The following CCDC194 variants were observed in gnomAD, a reference collection of about 807,000 sequenced individuals.
CCDC194 encodes the protein coiled-coil domain-containing protein 194.
Under a neutral mutation model 4.9 loss-of-function variants are expected in CCDC194, and 8 were observed. That is an observed-to-expected ratio of 1.65 (90% CI 0.97 to 2.97). The LOEUF (loss-of-function observed/expected upper bound fraction) is 2.97. Among genes scored for constraint, CCDC194 ranks in the 30% most tolerant of loss-of-function variants. CCDC194 has a pLI of 0.00. For missense variants in CCDC194, 52 were observed against 43.1 expected (o/e 1.21, Z -0.58); for synonymous variants, 13 against 17.0 (o/e 0.76, Z 0.58).
rs1339830314 is a variant in CCDC194, at chr19:17,391,731, C to A, written c.421+19G>T. 1 of 1,535,716 alleles carries A rather than the reference C, an allele frequency of 6.5e-7. No individual in the cohort carries two copies. On this transcript the variant is annotated intron_variant, in intron 2 of 3. Transcript: ENST00000636079. ...CCTCCCACTTCTATCCCTGCCCACT[C>A]CCTTACACCCCAACGCACCTGTCAG...
In CCDC194 at chr19:17,391,339, G is replaced by A; in HGVS notation, c.426C>T (p.Ala142=). The A allele has an allele frequency of 4.5e-6, 2 of 441,770 alleles. 1 individual carries two copies. The highest frequency in any genetic ancestry group is 1.1e-4 in the South Asian group (2 of 18,716). The allele number at this position is 441,770 out of a possible 1,614,324, so 27.4% of individuals were successfully genotyped here. A position where few individuals can be genotyped will look rare whatever the true frequency, so the allele number is the denominator to read the frequency against. ...TGGCCGCCGCCTCCCAGCGCGCCAGGGCCTCTGGGGGCGCAGGGAGCCGGG... is the reference window on the plus strand; with the variant it reads ...TGGCCGCCGCCTCCCAGCGCGCCAGAGCCTCTGGGGGCGCAGGGAGCCGGG... The change falls in exon 3 of 4, where the codon GCC becomes GCT. Residue 142 remains alanine (A), a synonymous_variant. Transcript: ENST00000636079.
At chr19:17,387,560 AAC>A (rs2074640175), downstream of CCDC194, among the ~76,000 whole-genome samples, 1 of 152,104 alleles carries the variant, frequency 6.6e-6, no homozygotes, top group African/African-American at 2.4e-5. Flanking sequence ...TTTACTAAAA[AAC>A]ACAAAAAACT....
At chr19:17,389,680 C>A (rs186975039), downstream of CCDC194, among the ~76,000 whole-genome samples, 51 of 152,240 alleles carry the variant, frequency 3.3e-4, 1 homozygote, top group Admixed American at 3.0e-3. Flanking sequence ...AGGTTAAAAA[C>A]ATGGGCTGGG....
intron 2 of CCDC194, 171 bp from the exon 3 acceptor site, chr19:17,391,514 AGGTTTGCATT>A: frequency 1.1e-6 from 1 of 895,864 alleles, no homozygotes; most frequent in East Asian, 2.7e-5. Flanking sequence ...AGCTTTTCAT[AGGTTTGCATT>A]GCTTTCGTGA....
At chr19:17,391,870 A>T (rs891698783) in intron 1 of CCDC194, 24 bp from the exon 2 acceptor site, 15 of 1,488,090 alleles carry the variant, frequency 1.0e-5, no homozygotes, top group Non-Finnish European at 1.2e-5. Flanking sequence ...GGGAAGTGGG[A>T]GGGGGTGTAG....
At position 17,390,727 on chromosome 19, in the gene CCDC194, C is replaced by G. The variant is rs746479826; in HGVS notation, c.555-68G>C. On this transcript the variant is annotated intron_variant, in intron 3 of 3. Coordinates refer to ENST00000636079, the Ensembl canonical transcript of CCDC194. The surrounding 1 kb of genome is among the most constrained non-coding windows in gnomAD (Gnocchi z 5.5). ...GTCCCCAGACATCGCCAGCCCTCAT[C>G]CGCCAGAGCGTCCCTTTGCTGGGAA... The G allele has an allele frequency of 7.6e-5, 30 of 393,718 alleles. No individual in the cohort carries two copies. Among genetic ancestry groups the G allele is most frequent in the Non-Finnish European group, 1.3e-4 (28 of 222,776 alleles). The allele number at this position is 393,718 out of a possible 1,614,324, so 24.4% of individuals were successfully genotyped here.
downstream of CCDC194, among the ~76,000 whole-genome samples, chr19:17,387,733 AG>A (rs2074640795): frequency 6.6e-6 from 1 of 152,030 alleles, no homozygotes; most frequent in Non-Finnish European, 1.5e-5. Flanking sequence ...AGAAAAAAAA[AG>A]AAAGAAAGAA....
rs562071131 is a variant in CCDC194 at position 17,391,386 on chromosome 19, C to G, written c.422-43G>C. 3 of 497,488 alleles carry G rather than the reference C, an allele frequency of 6.0e-6. No homozygotes were observed. The Admixed American group carries it at 1.2e-4, about 20-fold the overall frequency. The allele number at this position is 497,488 out of a possible 1,614,324, so 30.8% of individuals were successfully genotyped here. The stretch of plus-strand genomic sequence containing the variant: ...CGGGTCAGGCTGGAGACTCCCGCGC[C>G]CACCCGCCCCACGCACGCCGGAATC... On this transcript the variant is annotated intron_variant, in intron 2 of 3. Transcript: ENST00000636079.
At chr19:17,391,887 G>A (rs2074656148) in intron 1 of CCDC194, 41 bp from the exon 2 acceptor site, 5 of 1,455,434 alleles carry the variant, frequency 3.4e-6, no homozygotes, top group South Asian at 1.4e-5. Context: ...GTAGGCAGAG[G>A]AGAGGAGGAG....
intron 3 of CCDC194, 134 bp downstream of exon 3, chr19:17,391,077 A>T: frequency 3.7e-6 from 1 of 270,346 alleles, no homozygotes; most frequent in Non-Finnish European, 6.0e-6. Context: ...CCCCTATTAA[A>T]TCAACAATGC....
intron 2 of CCDC194, 32 bp downstream of exon 2, chr19:17,391,718 A>G (rs1292607174): frequency 2.0e-6 from 3 of 1,535,390 alleles, no homozygotes; most frequent in South Asian, 1.2e-5. Context: ...TCCCACTTCT[A>G]TCCCTGCCCA....
chr19:17,391,286 G>A, exon 3 of CCDC194: 1 of 421,292 alleles, frequency 2.4e-6, no homozygotes, highest in Non-Finnish European at 4.2e-6. Flanking sequence ...GCGCCGCAGA[G>A]CCTCGTCCAG....
chr19:17,390,309 C>A (rs116686497), downstream of CCDC194, among the ~76,000 whole-genome samples: 2,141 of 152,258 alleles, frequency 0.014, 48 homozygotes, highest in African/African-American at 0.05. The surrounding 1 kb of genome is among the most constrained non-coding windows in gnomAD (Gnocchi z 5.5). Context: ...GCCTCAGTTT[C>A]CCTGTCTGTA....
downstream of CCDC194, among the ~76,000 whole-genome samples, chr19:17,388,778 C>T (rs1272978366): frequency 6.6e-6 from 1 of 152,172 alleles, no homozygotes; most frequent in Non-Finnish European, 1.5e-5. Flanking sequence ...ATTGGGCTTA[C>T]AGGCATGAAC....
downstream of CCDC194, among the ~76,000 whole-genome samples, chr19:17,388,362 GCTA>G (rs960339072): frequency 4.6e-5 from 7 of 151,756 alleles, no homozygotes; most frequent in African/African-American, 1.7e-4. Flanking sequence ...ACCAAGCCTG[GCTA>G]CTTTCTTCTC....
At chr19:17,390,453 ACC>A (rs11326071), downstream of CCDC194, 510 of 366,846 alleles carry the variant, frequency 1.4e-3, no homozygotes, top group South Asian at 5.7e-3. This position sits in a 1 kb window ranked among gnomAD's most constrained non-coding sequence, Gnocchi z 5.5. Flanking sequence ...GTCCCCGCAG[ACC>A]CCCCCCCCAT....
At chr19:17,388,165 C>G (rs1157455794), downstream of CCDC194, among the ~76,000 whole-genome samples, 1 of 145,502 alleles carries the variant, frequency 6.9e-6, no homozygotes, top group Admixed American at 7.0e-5. Flanking sequence ...GGATTACAGG[C>G]GTGAGCCACC....
chr19:17,391,270 G>A (rs769119824), exon 3 of CCDC194: 137 of 409,532 alleles, frequency 3.3e-4, no homozygotes, highest in Non-Finnish European at 5.3e-4. Context: ...CCTCCGCCAC[G>A]CCTGCGCGCC....
chr19:17,390,598 CCGAGCGGGGA>C lies in CCDC194; in HGVS notation c.606_615del (p.Pro203GlyfsTer?). 2.5e-6 allele frequency: 1 copy of C among 397,870 alleles called. No individual in the cohort carries two copies. The highest frequency in any genetic ancestry group is 4.4e-6 in the Non-Finnish European group (1 of 225,558). The allele number at this position is 397,870 out of a possible 1,614,324, so 24.6% of individuals were successfully genotyped here. The stretch of plus-strand genomic sequence containing the variant: ...CGAGGGCTGGGCCGGGGTCGGGACC[CCGAGCGGGGA>C]CGCGGCCGGGGCACTCTGCGCTGTG... On this transcript the variant is annotated frameshift_variant, in exon 4 of 4. Transcript: ENST00000636079. LOFTEE classifies it low-confidence loss of function (END_TRUNC). This position sits in a 1 kb window ranked among gnomAD's most constrained non-coding sequence, Gnocchi z 5.5.
Sources: gnomAD v4.1 joint callset for allele counts (sites outside exome capture counted in the v4.1 genomes callset) on GRCh38, gnomAD v4.1.1 for gene constraint, Gnocchi (gnomAD v3.1) non-coding constraint, MANE v1.5 for transcripts, NCBI Gene and HGNC (gene_info 2026-07-23, HGNC 2026-07-21) for gene names.